Variants in NCAM2 observed in about 807,000 individuals in gnomAD.
NCAM2 encodes N-CAM-2.
In NCAM2, 30 loss-of-function variants were observed where a neutral mutation model predicts 98.1. That is an observed-to-expected ratio of 0.31 (90% CI 0.23 to 0.41). NCAM2 has a LOEUF of 0.41. Ranked by LOEUF, NCAM2 falls within the 10% of genes least tolerant of loss-of-function variation. NCAM2 has a pLI of 1.00. For missense variants in NCAM2, 867 were observed against 1,005.8 expected, an observed-to-expected ratio of 0.86 and a Z score of 1.87; for synonymous variants, 368 against 342.4, an observed-to-expected ratio of 1.07 and a Z score of -0.83.
In NCAM2 at chr21:21,300,071, A is replaced by G. The variant is rs553397557; in HGVS notation, c.619+7830A>G. On this transcript the variant is annotated intron_variant, in intron 5 of 17. Coordinates refer to ENST00000400546, the MANE Select transcript of NCAM2 (RefSeq NM_004540.5). ...TTGGTATTTTAAATGATTTTTAAAAATATTTTTGATCCCTGCTTCGTTGAG... is the reference window on the plus strand; with the variant it reads ...TTGGTATTTTAAATGATTTTTAAAAGTATTTTTGATCCCTGCTTCGTTGAG... 9.9e-5 allele frequency among the ~76,000 whole-genome samples: 15 copies of G among 152,088 alleles called. No individual in the cohort carries two copies. The South Asian group carries it at 2.7e-3, about 27-fold the overall frequency.
chr21:21,483,505 A>G (rs1364916609), intron 15 of NCAM2, among the ~76,000 whole-genome samples: 2 of 152,076 alleles, frequency 1.3e-5, no homozygotes, highest in Non-Finnish European at 2.9e-5. Context: ...GTTTCAAGCA[A>G]CACTAATAAA....
chr21:21,324,326 A>G (rs937300778), intron 5 of NCAM2, 57 bp from the exon 6 acceptor site: 6 of 1,254,772 alleles, frequency 4.8e-6, no homozygotes, highest in Admixed American at 3.9e-5. Flanking sequence ...AATTCTCTAA[A>G]TGATGGTAGT....
At chr21:21,032,385 T>C (rs2064704152) in intron 1 of NCAM2, among the ~76,000 whole-genome samples, 1 of 152,206 alleles carries the variant, frequency 6.6e-6, no homozygotes, top group African/African-American at 2.4e-5. Flanking sequence ...AGATTTCCCT[T>C]ATAATGTAGG....
In NCAM2 at chr21:21,527,000, A is replaced by C. The variant is rs191571133; in HGVS notation, c.2283-7537A>C. Among the ~76,000 whole-genome samples the C allele has an allele frequency of 5.2e-3, 786 of 152,338 alleles. 18 individuals are homozygous for C. The highest frequency in any genetic ancestry group is 0.043 in the Admixed American group (665 of 15,296). On this transcript the variant is annotated intron_variant, in intron 16 of 17. Coordinates refer to ENST00000400546, the MANE Select transcript of NCAM2 (RefSeq NM_004540.5). The stretch of plus-strand genomic sequence containing the variant: ...AAAATGTAATATTGACCTAAATATA[A>C]ATCAAAAAATTATAAAACTACTAGA...
chr21:21,133,922 A>G (rs1209401696), intron 1 of NCAM2, among the ~76,000 whole-genome samples: 4 of 152,150 alleles, frequency 2.6e-5, no homozygotes, highest in Admixed American at 2.6e-4. Flanking sequence ...CTGAAGTAAC[A>G]CTGGGTAGAT....
At chr21:21,043,274 G>A (rs1004907429) in intron 1 of NCAM2, among the ~76,000 whole-genome samples, 1 of 152,082 alleles carries the variant, frequency 6.6e-6, no homozygotes, top group Non-Finnish European at 1.5e-5. Flanking sequence ...TCTGGACTCA[G>A]TATAACTAAT....
At position 21,425,040 on chromosome 21, in the gene NCAM2, CAAAAAAAAAAAAAAAA is replaced by C. The variant is rs1192128472; in HGVS notation, c.1480+6484_1480+6499del. 2.1e-3 allele frequency among the ~76,000 whole-genome samples: 94 copies of C among 43,850 alleles called. 1 individual carries two copies. The highest frequency in any genetic ancestry group is 3.5e-3 in the South Asian group (3 of 856). 28.8% of individuals were successfully genotyped at this position (43,850 alleles called of 152,430 possible). On this transcript the variant is annotated intron_variant, in intron 11 of 17. Coordinates refer to ENST00000400546, the MANE Select transcript of NCAM2 (RefSeq NM_004540.5). ...GACAAAAGCGGGACTCTTCCTCCTC[CAAAAAAAAAAAAAAAA>C]AAAAAAAAAAAATTCATCATGTTTA...
intron 10 of NCAM2, among the ~76,000 whole-genome samples, chr21:21,415,596 A>T (rs1352031258): frequency 6.6e-6 from 1 of 152,014 alleles, no homozygotes; most frequent in Non-Finnish European, 1.5e-5. Flanking sequence ...CGGCCTCCCA[A>T]AGTGGTGGGA....
chr21:21,524,027 C>G (rs530429520), intron 16 of NCAM2, among the ~76,000 whole-genome samples: 1 of 140,278 alleles, frequency 7.1e-6, no homozygotes, highest in African/African-American at 2.7e-5. Flanking sequence ...CGAGACCCAA[C>G]CAGATATTGT....
chr21:21,090,825 T>G (rs1980968), intron 1 of NCAM2, among the ~76,000 whole-genome samples: 34,075 of 152,068 alleles, frequency 0.22, 4,498 homozygotes, highest in African/African-American at 0.36. Flanking sequence ...CTCAGATATG[T>G]GCCAGGCTTG....
At chr21:21,176,154 A>T (rs1450274398) in intron 1 of NCAM2, among the ~76,000 whole-genome samples, 1 of 152,192 alleles carries the variant, frequency 6.6e-6, no homozygotes, top group Non-Finnish European at 1.5e-5. Context: ...CAGTTAAGAG[A>T]TAACACCTGT....
At chr21:21,013,161 G>A (rs931893736) in intron 1 of NCAM2, among the ~76,000 whole-genome samples, 5 of 152,094 alleles carry the variant, frequency 3.3e-5, no homozygotes, top group Non-Finnish European at 5.9e-5. Flanking sequence ...GTTTAGTGAG[G>A]AAGGCATATT....
intron 1 of NCAM2, among the ~76,000 whole-genome samples, chr21:21,169,295 A>G (rs2068047251): frequency 6.6e-6 from 1 of 152,156 alleles, no homozygotes; most frequent in African/African-American, 2.4e-5. Flanking sequence ...TTCAAAATGG[A>G]TCGATCGTAG....
chr21:21,300,962 T>C (rs1281128915), intron 5 of NCAM2, among the ~76,000 whole-genome samples: 1 of 152,106 alleles, frequency 6.6e-6, no homozygotes, highest in Non-Finnish European at 1.5e-5. Context: ...TATTTATTAA[T>C]GTATGTGTAT....
intron 5 of NCAM2, among the ~76,000 whole-genome samples, chr21:21,319,994 A>C (rs776510778): frequency 6.6e-6 from 1 of 152,146 alleles, no homozygotes; most frequent in Middle Eastern, 3.2e-3. Context: ...AACCAACTTA[A>C]TGAGCCAAAT....
At chr21:21,158,242 A>G (rs1340543086) in intron 1 of NCAM2, among the ~76,000 whole-genome samples, 1 of 152,226 alleles carries the variant, frequency 6.6e-6, no homozygotes, top group Non-Finnish European at 1.5e-5. Context: ...ATTTTAAAAT[A>G]GCACATTCAC....
At position 21,284,371 on chromosome 21, in the gene NCAM2, A is replaced by C; in HGVS notation, c.308A>C (p.Gln103Pro). ...GCAACAGATGCCAAAGGACAAACACAAGAAGCTACAGTAGTTTTGGAAATT... is the reference window on the plus strand; with the variant it reads ...GCAACAGATGCCAAAGGACAAACACCAGAAGCTACAGTAGTTTTGGAAATT... ...CQATDAKGQT[Q>P]EATVVLEIYQ... Residue 103 changes from glutamine (Q) to proline (P), a missense_variant, in exon 3 of 18, where the codon CAA becomes CCA. By Grantham distance (76) the Gln-to-Pro change is moderately conservative. Around this residue, in one of 5 missense-constraint regions of NCAM2, gnomAD observed 447 missense variants for 495.7 expected, o/e 0.90. Transcript: ENST00000400546. 1 of 1,612,278 alleles carries C rather than the reference A, an allele frequency of 6.2e-7. No individual in the cohort carries two copies. The highest frequency in any genetic ancestry group is 8.5e-7 in the Non-Finnish European group (1 of 1,178,742).
At chr21:21,260,252 C>T (rs1046248043) in intron 1 of NCAM2, among the ~76,000 whole-genome samples, 2 of 151,532 alleles carry the variant, frequency 1.3e-5, no homozygotes, top group African/African-American at 4.8e-5. Context: ...GAAGAAAAAG[C>T]GAGCAACATG....
Position 21,458,016 on chromosome 21 carries a change from A to G in NCAM2, c.1655-8590A>G, listed in dbSNP as rs539818266. Among the ~76,000 whole-genome samples, 8 of 152,314 alleles carry G rather than the reference A, an allele frequency of 5.3e-5. No homozygotes were observed. The South Asian group carries it at 1.7e-3, about 32-fold the overall frequency. On this transcript the variant is annotated intron_variant, in intron 12 of 17. Transcript: ENST00000400546. ...TTTTCCAGACAATGGAGGAATGTCC[A>G]TGAAGCAGATACAAAGATAATTAGA...
Sources: allele counts gnomAD v4.1 joint callset (sites outside exome capture counted in the v4.1 genomes callset), GRCh38; gene constraint gnomAD v4.1.1; regional missense constraint gnomAD v4.1.1; transcripts MANE v1.5; gene names NCBI Gene and HGNC (gene_info 2026-07-23, HGNC 2026-07-21).